CBFA2T3: variants seen among roughly 807,000 people sequenced by gnomAD.
CBFA2T3 encodes transcriptional corepressor CBFA2T3.
A neutral mutation model predicts 58.6 loss-of-function variants in CBFA2T3; 31 were observed. The ratio of observed to expected loss-of-function variants is 0.53; its 90% CI spans 0.40 to 0.71. The LOEUF (loss-of-function observed/expected upper bound fraction) is 0.71. Ranked by LOEUF, CBFA2T3 falls within the 30% of genes least tolerant of loss-of-function variation. The pLI, the probability that CBFA2T3 is intolerant of heterozygous loss-of-function variation, is 0.00. For synonymous variants in CBFA2T3, 531 were observed against 421.9 expected (o/e 1.26, Z -3.17); for missense variants, 1,076 against 963.1 (o/e 1.12, Z -1.55).
At position 88,903,886 on chromosome 16, in the gene CBFA2T3, G is replaced by A. The variant is rs114025956; in HGVS notation, c.152-2230C>T. Reference sequence around the variant, plus strand: ...CTTTCCAAAGCCCTCCCATGGAGGCGGCTACATTTGAGCCACGAGACTTGA... The same window carrying A: ...CTTTCCAAAGCCCTCCCATGGAGGCAGCTACATTTGAGCCACGAGACTTGA... On this transcript the variant is annotated intron_variant, in intron 1 of 11. Coordinates refer to ENST00000268679, the MANE Select transcript of CBFA2T3 (RefSeq NM_005187.6). Among the ~76,000 whole-genome samples, 1,496 of 152,370 alleles carry A rather than the reference G, an allele frequency of 9.8e-3. 29 individuals are homozygous for A. Among genetic ancestry groups the A allele is most frequent in the African/African-American group, 0.034 (1,426 of 41,586 alleles).
intron 1 of CBFA2T3, among the ~76,000 whole-genome samples, chr16:88,956,368 G>A (rs138700500): frequency 0.01 from 1,584 of 152,374 alleles, 10 homozygotes; most frequent in Non-Finnish European, 0.015. Context: ...GGGACACAGC[G>A]TGTCCGCCTG....
In CBFA2T3 at chr16:88,875,611, T is replaced by G; in HGVS notation, c.*1365A>C. 4.3e-6 allele frequency: 1 copy of G among 230,362 alleles called. No homozygotes were observed. The highest frequency in any genetic ancestry group is 8.5e-6 in the Non-Finnish European group (1 of 117,268). 14.3% of individuals were successfully genotyped at this position (230,362 alleles called of 1,614,324 possible). A position where few individuals can be genotyped will look rare whatever the true frequency, so the allele number is the denominator to read the frequency against. On this transcript the variant is annotated 3_prime_UTR_variant, in exon 12 of 12. Transcript: ENST00000268679. ...GTTGGGGCGATGGGGCTGAGAGAGG[T>G]CGGAGCTGGGGTGAGGGGGCCGAGA... is the stretch of plus-strand genomic sequence containing the variant.
rs1161708502 is a variant in CBFA2T3, at chr16:88,917,088, AAAAAAAG to A, written c.152-15439_152-15433del. On this transcript the variant is annotated intron_variant, in intron 1 of 11. Coordinates refer to ENST00000268679, the MANE Select transcript of CBFA2T3 (RefSeq NM_005187.6). ...CTCTGTCTCAAAAAAAAAAAAAAGG[AAAAAAAG>A]AAAAAAGAAAAAGGAAAAAAGAGAA... is the stretch of plus-strand genomic sequence containing the variant. Among the ~76,000 whole-genome samples, 13 of 150,784 alleles carry A rather than the reference AAAAAAAG, an allele frequency of 8.6e-5. No individual in the cohort carries two copies. In the South Asian group the frequency reaches 1.5e-3, roughly 17 times the overall value.
chr16:88,897,940 A>T, intron 3 of CBFA2T3, 138 bp downstream of exon 3: 1 of 689,220 alleles, frequency 1.5e-6, no homozygotes, highest in Non-Finnish European at 2.6e-6. Flanking sequence ...AGGCAAGACC[A>T]ACACAACAGA....
intron 9 of CBFA2T3, chr16:88,881,056 G>A (rs1229994968): frequency 1.6e-5 from 11 of 706,180 alleles, no homozygotes; most frequent in Admixed American, 1.0e-4. Flanking sequence ...CTGAGGCGGA[G>A]AAGCAGAGAC....
chr16:88,957,996 G>A (rs953170312), intron 1 of CBFA2T3, among the ~76,000 whole-genome samples: 1 of 152,232 alleles, frequency 6.6e-6, no homozygotes, highest in African/African-American at 2.4e-5. Flanking sequence ...AGATGTGTGG[G>A]TTATACCTCA....
At chr16:88,901,709 C>T (rs1970106118) in intron 1 of CBFA2T3, 53 bp from the exon 2 acceptor site, 1 of 1,471,890 alleles carries the variant, frequency 6.8e-7, no homozygotes, top group Non-Finnish European at 8.9e-7. Flanking sequence ...GTGCAAAGGC[C>T]AGGGCCCGCA....
intron 5 of CBFA2T3, among the ~76,000 whole-genome samples, chr16:88,890,001 C>T (rs12444435): frequency 0.13 from 15,427 of 122,292 alleles, 2,229 homozygotes; most frequent in East Asian, 0.41. Flanking sequence ...CTCCAGGGGA[C>T]GTTTCAAATC....
In CBFA2T3 at chr16:88,906,749, C is replaced by T. The variant is rs1387350534; in HGVS notation, c.152-5093G>A. On this transcript the variant is annotated intron_variant, in intron 1 of 11. Coordinates refer to ENST00000268679, the MANE Select transcript of CBFA2T3 (RefSeq NM_005187.6). ...CACTTTCTAGACGGGGAAACTGAGGCCCAGAGAGGGTGAGTGACTTGTTCT... is the reference window on the plus strand; with the variant it reads ...CACTTTCTAGACGGGGAAACTGAGGTCCAGAGAGGGTGAGTGACTTGTTCT... 2.6e-5 allele frequency among the ~76,000 whole-genome samples: 4 copies of T among 152,174 alleles called. No individual in the cohort carries two copies. The East Asian group carries it at 7.7e-4, about 29-fold the overall frequency.
At chr16:88,976,008 C>T (rs1972850380) in intron 1 of CBFA2T3, among the ~76,000 whole-genome samples, 4 of 152,234 alleles carry the variant, frequency 2.6e-5, no homozygotes, top group African/African-American at 4.8e-5. Context: ...CAGCCCCCAG[C>T]GTCCGGGGAT....
At chr16:88,888,289 G>A (rs1404823884) in intron 5 of CBFA2T3, among the ~76,000 whole-genome samples, 4 of 149,506 alleles carry the variant, frequency 2.7e-5, no homozygotes, top group Admixed American at 2.7e-4. Context: ...GGGCCTGGCG[G>A]GCTGTGGATG....
At chr16:88,930,507 G>C (rs1971257376) in intron 1 of CBFA2T3, among the ~76,000 whole-genome samples, 1 of 151,904 alleles carries the variant, frequency 6.6e-6, no homozygotes, top group Non-Finnish European at 1.5e-5. Context: ...GTGCAGCTCA[G>C]CCACAGGGAA....
chr16:88,962,748 A>G (rs1485148556), intron 1 of CBFA2T3, among the ~76,000 whole-genome samples: 2 of 152,158 alleles, frequency 1.3e-5, no homozygotes, highest in Non-Finnish European at 2.9e-5. Context: ...GTGTCTTTAG[A>G]TGTCGCCTGG....
At chr16:88,881,981 T>C (rs1969103332) in intron 8 of CBFA2T3, among the ~76,000 whole-genome samples, 1 of 152,220 alleles carries the variant, frequency 6.6e-6, no homozygotes, top group African/African-American at 2.4e-5. Flanking sequence ...GGCACTGCTT[T>C]TGCCCACACT....
At position 88,879,168 on chromosome 16, in the gene CBFA2T3, G is replaced by C. The variant is rs541807792; in HGVS notation, c.1662+102C>G. 2.9e-6 allele frequency: 3 copies of C among 1,033,592 alleles called. No individual in the cohort carries two copies. The Admixed American group carries it at 6.2e-5, about 21-fold the overall frequency. The allele number at this position is 1,033,592 out of a possible 1,614,324, so 64.0% of individuals were successfully genotyped here. A position where few individuals can be genotyped will look rare whatever the true frequency, so the allele number is the denominator to read the frequency against. On this transcript the variant is annotated intron_variant, in intron 11 of 11. Coordinates refer to ENST00000268679, the MANE Select transcript of CBFA2T3 (RefSeq NM_005187.6). ...CTGCTGCAGGATGCCCGTGACAACT[G>C]TGCTGATGCCACGTGGAGGCTCAGA...
chr16:88,969,321 G>A (rs1972590643), intron 1 of CBFA2T3, among the ~76,000 whole-genome samples: 1 of 152,218 alleles, frequency 6.6e-6, no homozygotes, highest in Non-Finnish European at 1.5e-5. Flanking sequence ...AGCCCACAGG[G>A]TGGGGTGAAT....
At chr16:88,902,278 C>T (rs1439201536) in intron 1 of CBFA2T3, 2 of 152,448 alleles carry the variant, frequency 1.3e-5, no homozygotes, top group East Asian at 3.9e-4. Flanking sequence ...TTTTAACCGT[C>T]TTCTGCCCCG....
At position 88,953,430 on chromosome 16, in the gene CBFA2T3, C is replaced by T. The variant is rs947646879; in HGVS notation, c.151+23227G>A. The stretch of plus-strand genomic sequence containing the variant: ...CCCTGGAGACACTGTGTCCAGAGGC[C>T]AGCATAGCCCTCAAAACGGTTCCCA... On this transcript the variant is annotated intron_variant, in intron 1 of 11. Coordinates refer to ENST00000268679, the MANE Select transcript of CBFA2T3 (RefSeq NM_005187.6). The surrounding 1 kb of genome is among the most constrained non-coding windows in gnomAD (Gnocchi z 4.9). Among the ~76,000 whole-genome samples, 6 of 152,212 alleles carry T rather than the reference C, an allele frequency of 3.9e-5. No homozygotes were observed. The highest frequency in any genetic ancestry group is 8.8e-5 in the Non-Finnish European group (6 of 68,038).
At chr16:88,922,889 G>T (rs575935280) in intron 1 of CBFA2T3, among the ~76,000 whole-genome samples, 1 of 152,116 alleles carries the variant, frequency 6.6e-6, no homozygotes, top group African/African-American at 2.4e-5. Context: ...ATATAATCAC[G>T]ATGAAAACAT....
Sources: allele counts gnomAD v4.1 joint callset (sites outside exome capture counted in the v4.1 genomes callset), GRCh38; gene constraint gnomAD v4.1.1; non-coding constraint Gnocchi (gnomAD v3.1); transcripts MANE v1.5; gene names NCBI Gene and HGNC (gene_info 2026-07-23, HGNC 2026-07-21).